STC1: variants seen among roughly 807,000 people sequenced by gnomAD.
STC1 encodes the protein stanniocalcin-1.
In STC1, 7 loss-of-function variants were observed where a neutral mutation model predicts 22.6. The ratio of observed to expected loss-of-function variants is 0.31; its 90% CI spans 0.18 to 0.58. The LOEUF is 0.58. Among genes scored for constraint, STC1 ranks in the 20% least tolerant of loss-of-function variants. The pLI, the probability that STC1 is intolerant of heterozygous loss-of-function variation, is 0.89. For synonymous variants in STC1, 113 were observed against 120.7 expected (o/e 0.94, Z 0.42); for missense variants, 224 against 311.0 (o/e 0.72, Z 2.10).
chr8:23,854,563 T>C lies in STC1; in HGVS notation c.-40A>G. ...CCGCTAAGTTGTTGGGTTTTTTTTT[T>C]TTCCTGCCCCCCTTTCCTCTTTCCC... On this transcript the variant is annotated 5_prime_UTR_variant, in exon 1 of 4. Transcript: ENST00000290271. The C allele has an allele frequency of 6.5e-7, 1 of 1,544,750 alleles. No homozygotes were observed.
intron 1 of STC1, among the ~76,000 whole-genome samples, chr8:23,852,779 G>A (rs1227064134): frequency 6.6e-6 from 1 of 152,144 alleles, no homozygotes. Flanking sequence ...TAGTGGTCAG[G>A]TTTAAGAGGT....
chr8:23,843,116 T>C lies in STC1; in HGVS notation c.*1654A>G, dbSNP rs1193554598. The stretch of plus-strand genomic sequence containing the variant: ...GCAGTCCTACCCCTCCTCCCTCTCT[T>C]CCTCTCTTGACATTGACCTTTGGTG... On this transcript the variant is annotated 3_prime_UTR_variant, in exon 4 of 4. Transcript: ENST00000290271. The C allele has an allele frequency of 6.6e-6, 1 of 152,558 alleles. No individual in the cohort carries two copies. The highest frequency in any genetic ancestry group is 1.5e-5 in the Non-Finnish European group (1 of 68,154). 9.5% of individuals were successfully genotyped at this position (152,558 alleles called of 1,614,324 possible). A position where few individuals can be genotyped will look rare whatever the true frequency, so the allele number is the denominator to read the frequency against.
At chr8:23,851,211 A>G in intron 3 of STC1, 109 bp downstream of exon 3, 2 of 1,062,346 alleles carry the variant, frequency 1.9e-6, no homozygotes, top group South Asian at 1.4e-5. Context: ...ACTGCAAGCT[A>G]AAATAAGAGC....
Position 23,843,216 on chromosome 8 carries a change from T to C in STC1, c.*1554A>G, listed in dbSNP as rs1173375294. 1 of 152,552 alleles carries C rather than the reference T, an allele frequency of 6.6e-6. No individual in the cohort carries two copies. Among genetic ancestry groups the C allele is most frequent in the African/African-American group, 2.4e-5 (1 of 41,418 alleles). The allele number at this position is 152,552 out of a possible 1,614,324, so 9.4% of individuals were successfully genotyped here. On this transcript the variant is annotated 3_prime_UTR_variant, in exon 4 of 4. Transcript: ENST00000290271. ...GAAACTACTGTTGTTCATAGATAGG[T>C]TAGTCGTTTGACTTTGGTGGTCGCC...
chr8:23,844,509 C>T lies in STC1; in HGVS notation c.*261G>A, dbSNP rs1304919913. 1.6e-5 allele frequency: 8 copies of T among 492,714 alleles called. No homozygotes were observed. Among genetic ancestry groups the T allele is most frequent in the Admixed American group, 1.3e-4 (4 of 29,666 alleles). 30.5% of individuals were successfully genotyped at this position (492,714 alleles called of 1,614,324 possible). A position where few individuals can be genotyped will look rare whatever the true frequency, so the allele number is the denominator to read the frequency against. ...TCAGGGGAGCAGGGGAAAAACATGG[C>T]AGAGGAAGTTGGTAAAAGAGGGTAC... On this transcript the variant is annotated 3_prime_UTR_variant, in exon 4 of 4. Transcript: ENST00000290271.
intron 1 of STC1, chr8:23,854,132 A>T: frequency 7.9e-7 from 1 of 1,267,484 alleles, no homozygotes; most frequent in Non-Finnish European, 1.0e-6. Context: ...CTCCCCCTCC[A>T]AGAGGGTACG....
At chr8:23,848,552 A>AG (rs1802599875) in intron 3 of STC1, among the ~76,000 whole-genome samples, 3 of 149,972 alleles carry the variant, frequency 2.0e-5, no homozygotes, top group Admixed American at 6.6e-5. Flanking sequence ...AAAAAAAAAA[A>AG]AAAAGAAGAA....
Position 23,854,553 on chromosome 8 carries a change from G to T in STC1, c.-30C>A, listed in dbSNP as rs541049810. ...TGAGAAGTTTCCGCTAAGTTGTTGG[G>T]TTTTTTTTTTTTCCTGCCCCCCTTT... On this transcript the variant is annotated 5_prime_UTR_variant, in exon 1 of 4. Coordinates refer to ENST00000290271, the MANE Select transcript of STC1 (RefSeq NM_003155.3). 123 of 1,327,486 alleles carry T rather than the reference G, an allele frequency of 9.3e-5. No homozygotes were observed. Among genetic ancestry groups the T allele is most frequent in the Admixed American group, 4.1e-4 (21 of 51,626 alleles). 82.2% of individuals were successfully genotyped at this position (1,327,486 alleles called of 1,614,324 possible).
At chr8:23,848,551 A>G (rs796821384) in intron 3 of STC1, among the ~76,000 whole-genome samples, 3 of 146,278 alleles carry the variant, frequency 2.1e-5, no homozygotes, top group African/African-American at 5.5e-5. Flanking sequence ...AAAAAAAAAA[A>G]AAAAAGAAGA....
Position 23,854,564 on chromosome 8 carries a change from T to C in STC1, c.-41A>G, listed in dbSNP as rs757398056. 1 of 1,521,658 alleles carries C rather than the reference T, an allele frequency of 6.6e-7. No homozygotes were observed. Among genetic ancestry groups the C allele is most frequent in the Non-Finnish European group, 9.1e-7 (1 of 1,096,384 alleles). 94.3% of individuals were successfully genotyped at this position (1,521,658 alleles called of 1,614,324 possible). A position where few individuals can be genotyped will look rare whatever the true frequency, so the allele number is the denominator to read the frequency against. ...CGCTAAGTTGTTGGGTTTTTTTTTTTTCCTGCCCCCCTTTCCTCTTTCCCT... is the reference window on the plus strand; with the variant it reads ...CGCTAAGTTGTTGGGTTTTTTTTTTCTCCTGCCCCCCTTTCCTCTTTCCCT... On this transcript the variant is annotated 5_prime_UTR_variant, in exon 1 of 4. Transcript: ENST00000290271.
intron 3 of STC1, among the ~76,000 whole-genome samples, chr8:23,848,423 T>C (rs1467394091): frequency 6.6e-6 from 1 of 150,528 alleles, no homozygotes; most frequent in Admixed American, 6.7e-5. Flanking sequence ...TCCCAGCTAC[T>C]CTGGAGGCTG....
intron 1 of STC1, 27 bp downstream of exon 1, chr8:23,854,379 G>A (rs1214384451): frequency 1.3e-6 from 2 of 1,599,514 alleles, no homozygotes; most frequent in Non-Finnish European, 1.7e-6. Context: ...CTTTGGGGGA[G>A]AAACCGCTCT....
intron 3 of STC1, among the ~76,000 whole-genome samples, chr8:23,849,171 G>A (rs1802607426): frequency 6.6e-6 from 1 of 152,198 alleles, no homozygotes. Context: ...GAATGAACCT[G>A]TAACTACTTC....
intron 3 of STC1, among the ~76,000 whole-genome samples, chr8:23,847,302 C>A (rs1802585048): frequency 6.6e-6 from 1 of 152,176 alleles, no homozygotes; most frequent in South Asian, 2.1e-4. Context: ...AGAGTGCCTG[C>A]TCTTTTTTGG....
chr8:23,849,559 C>G (rs1159121168), intron 3 of STC1, among the ~76,000 whole-genome samples: 1 of 152,114 alleles, frequency 6.6e-6, no homozygotes, highest in Admixed American at 6.5e-5. Context: ...TTACTAGTCT[C>G]TTCTTAGATA....
At chr8:23,850,772 G>T (rs1270252883) in intron 3 of STC1, among the ~76,000 whole-genome samples, 1 of 152,114 alleles carries the variant, frequency 6.6e-6, no homozygotes, top group Admixed American at 6.5e-5. Flanking sequence ...CAGCCATTTT[G>T]CTTTTTACAA....
chr8:23,849,537 C>T (rs562409090), intron 3 of STC1, among the ~76,000 whole-genome samples: 69 of 152,112 alleles, frequency 4.5e-4, no homozygotes, highest in Admixed American at 1.0e-3. Flanking sequence ...AAATAATAGC[C>T]TGGTTAAAAA....
chr8:23,854,476 A>T lies in STC1; in HGVS notation c.48T>A (p.Ser16=), dbSNP rs779556723. 6.2e-7 allele frequency: 1 copy of T among 1,613,894 alleles called. No individual in the cohort carries two copies. The highest frequency in any genetic ancestry group is 8.5e-7 in the Non-Finnish European group (1 of 1,180,018). ...CATTCTGCTCCGCCTCATGGGTTGCAGAAGCACTGATCACCAGCACCAGAA... is the reference window on the plus strand; with the variant it reads ...CATTCTGCTCCGCCTCATGGGTTGCTGAAGCACTGATCACCAGCACCAGAA... ...AVLLVLVISA[S]ATHEAEQNDS... The change falls in exon 1 of 4, where the codon TCT becomes TCA. Residue 16 remains serine (S), a synonymous_variant. Transcript: ENST00000290271.
At chr8:23,853,779 A>G (rs570985958) in intron 1 of STC1, among the ~76,000 whole-genome samples, 1 of 151,744 alleles carries the variant, frequency 6.6e-6, no homozygotes, top group Non-Finnish European at 1.5e-5. Context: ...TTTTTTTTCT[A>G]GGGGCTCTCT....
Sources: gnomAD v4.1 joint callset for allele counts (sites outside exome capture counted in the v4.1 genomes callset) on GRCh38, gnomAD v4.1.1 for gene constraint, MANE v1.5 for transcripts, NCBI Gene and HGNC (gene_info 2026-07-23, HGNC 2026-07-21) for gene names.